Variants in ITGA7 observed in about 807,000 individuals in gnomAD.
The protein encoded by ITGA7 is integrin alpha-7.
A neutral mutation model predicts 131.6 loss-of-function variants in ITGA7; 84 were observed. That is an observed-to-expected ratio of 0.64 (90% CI 0.54 to 0.77). The LOEUF is 0.77. Ranked by LOEUF, ITGA7 falls within the 30% of genes least tolerant of loss-of-function variation. ITGA7 has a pLI of 0.00. For missense variants in ITGA7, 1,399 were observed against 1,482.9 expected (o/e 0.94, Z 0.93); for synonymous variants, 548 against 600.7 (o/e 0.91, Z 1.28).
Position 55,696,400 on chromosome 12 carries a change from T to C in ITGA7, c.1770A>G (p.Val590=). 6.2e-7 allele frequency: 1 copy of C among 1,601,472 alleles called. No individual in the cohort carries two copies. Among genetic ancestry groups the C allele is most frequent in the Non-Finnish European group, 8.5e-7 (1 of 1,172,940 alleles). Residue 590 remains valine (V), a synonymous_variant, in exon 13 of 25, where the codon GTA becomes GTG. Coordinates refer to ENST00000257879, the MANE Select transcript of ITGA7 (RefSeq NM_002206.3). ...ENVKDKLRAI[V]VTLSYSLQTP... ...TCTGGAGACTGTAGGACAAGGTCAC[T>C]ACAATGGCCCGAAGCTTGTCTTTGA...
At chr12:55,704,154 G>A (rs969061419) in intron 1 of ITGA7, among the ~76,000 whole-genome samples, 3 of 152,196 alleles carry the variant, frequency 2.0e-5, no homozygotes, top group Non-Finnish European at 4.4e-5. Context: ...GAGAGACTCA[G>A]AAGTGGCAGT....
In ITGA7 at chr12:55,694,295, C is replaced by T. The variant is rs923021284; in HGVS notation, c.2393G>A (p.Arg798Gln). ...SEQELHPVSARARVFIELPLS... is the reference protein window; with the variant it reads ...SEQELHPVSAQARVFIELPLS... ...TGGCAGCTCAATGAAGACACGGGCT[C>T]GTGCAGAGACTGGATGCAGCTCCTG... Residue 798 changes from arginine to glutamine, a missense_variant, in exon 18 of 25, where the codon CGA becomes CAA. Physicochemically the swap from Arg to Gln is conservative, Grantham distance 43. Coordinates refer to ENST00000257879, the MANE Select transcript of ITGA7 (RefSeq NM_002206.3). The surrounding 1 kb of genome is among the most constrained non-coding windows in gnomAD (Gnocchi z 5.3). The T allele has an allele frequency of 5.0e-6, 8 of 1,613,882 alleles. No homozygotes were observed. The Admixed American group carries it at 6.7e-5, about 13-fold the overall frequency.
rs1271520881 is a variant in ITGA7, at chr12:55,693,213, C to G, written c.2640G>C (p.Gln880His). ...ANGKWLLYPM[Q>H]VELEGGQGPG... ...GCCCCTGCCCGCCCTCCAGCTCAAC[C>G]TGCATTGGGTACAGCAACCACTTCC... The change falls in exon 20 of 25, where the codon CAG (glutamine) becomes CAC (histidine). Residue 880 changes from glutamine (Q) to histidine (H), a missense_variant. Physicochemically the swap from Gln to His is conservative, Grantham distance 24. Coordinates refer to ENST00000257879, the MANE Select transcript of ITGA7 (RefSeq NM_002206.3). 1.2e-6 allele frequency: 2 copies of G among 1,614,140 alleles called. No homozygotes were observed. The highest frequency in any genetic ancestry group is 1.7e-6 in the Non-Finnish European group (2 of 1,180,026).
chr12:55,696,854 G>A (rs747912646), intron 12 of ITGA7, 45 bp downstream of exon 12: 2 of 1,605,780 alleles, frequency 1.2e-6, no homozygotes, highest in Non-Finnish European at 1.7e-6. Context: ...GAAAAGAGAT[G>A]GAGCCATGAA....
rs749296834 is a variant in ITGA7 at position 55,688,078 on chromosome 12, A to G, written c.3076T>C (p.Leu1026=). The G allele has an allele frequency of 6.2e-7, 1 of 1,614,038 alleles. No homozygotes were observed. Among genetic ancestry groups the G allele is most frequent in the Non-Finnish European group, 8.5e-7 (1 of 1,180,022 alleles). Residue 1026 remains leucine (L), a synonymous_variant, in exon 24 of 25, where the codon TTG becomes CTG. Coordinates refer to ENST00000257879, the MANE Select transcript of ITGA7 (RefSeq NM_002206.3). The part of the protein sequence containing the change: ...ASTVIPVMVY[L]DPMAVVAEGV... The stretch of plus-strand genomic sequence containing the variant: ...TCTGCCACCACAGCCATGGGGTCCA[A>G]GTATACCATCACTGGGATCTGGGGA...
chr12:55,708,631 G>T (rs1166727981), upstream of ITGA7, among the ~76,000 whole-genome samples: 4 of 152,218 alleles, frequency 2.6e-5, no homozygotes, highest in African/African-American at 9.7e-5. Flanking sequence ...AAAAGAAAAC[G>T]ACTGGGGATG....
upstream of ITGA7, among the ~76,000 whole-genome samples, chr12:55,710,673 G>T (rs1445240982): frequency 6.6e-6 from 1 of 152,002 alleles, no homozygotes; most frequent in African/African-American, 2.4e-5. Flanking sequence ...CTAGGCGGGA[G>T]TGTCACTTGA....
chr12:55,695,850 T>C (rs934091624), intron 13 of ITGA7, among the ~76,000 whole-genome samples: 4 of 151,888 alleles, frequency 2.6e-5, no homozygotes, highest in African/African-American at 9.7e-5. Flanking sequence ...CATGCCATGG[T>C]AGAGACTAGC....
At chr12:55,689,937 G>T (rs1871067156) in intron 21 of ITGA7, among the ~76,000 whole-genome samples, 1 of 152,126 alleles carries the variant, frequency 6.6e-6, no homozygotes, top group Admixed American at 6.5e-5. Context: ...AGCTGAAACT[G>T]GATCCCTTCC....
At position 55,684,893 on chromosome 12, in the gene ITGA7, G is replaced by A; in HGVS notation, c.*165C>T. On this transcript the variant is annotated 3_prime_UTR_variant, in exon 25 of 25. Transcript: ENST00000257879. ...CTCACAGCACTCTAAGGGGAAGTTG[G>A]GTGGGAGGAGTTCTTGTGGGTGGGA... is the stretch of plus-strand genomic sequence containing the variant. The A allele has an allele frequency of 3.2e-6, 2 of 616,888 alleles. No homozygotes were observed. Among genetic ancestry groups the A allele is most frequent in the East Asian group, 2.8e-5 (1 of 36,314 alleles). 38.2% of individuals were successfully genotyped at this position (616,888 alleles called of 1,614,324 possible).
At chr12:55,691,300 G>C (rs921060112) in intron 21 of ITGA7, among the ~76,000 whole-genome samples, 2 of 152,108 alleles carry the variant, frequency 1.3e-5, no homozygotes, top group African/African-American at 4.8e-5. Context: ...TTGTTACCTA[G>C]GGCTGGAGTG....
At chr12:55,686,335 C>T in intron 24 of ITGA7, 1 of 1,286,370 alleles carries the variant, frequency 7.8e-7, no homozygotes, top group Non-Finnish European at 1.0e-6. Context: ...GAGGGAGAAG[C>T]AGGGCAGAGG....
rs1387658204 is a variant in ITGA7 at position 55,694,260 on chromosome 12, C to G, written c.2428G>C (p.Ala810Pro). The stretch of plus-strand genomic sequence containing the variant: ...GCCCCCTTGGGCCAGGCTCACCCTG[C>G]AATGGACAGTGGCAGCTCAATGAAG... ...RVFIELPLSIAGMAIPQQLFF... is the reference protein window; with the variant it reads ...RVFIELPLSIPGMAIPQQLFF... The change falls in exon 18 of 25, where the codon GCA (alanine) becomes CCA (proline). Residue 810 changes from alanine to proline, a missense_variant. By Grantham distance (27) the Ala-to-Pro change is conservative. Transcript: ENST00000257879. The surrounding 1 kb of genome is among the most constrained non-coding windows in gnomAD (Gnocchi z 5.3). The G allele has an allele frequency of 3.1e-6, 5 of 1,614,104 alleles. No homozygotes were observed. Among genetic ancestry groups the G allele is most frequent in the Non-Finnish European group, 3.4e-6 (4 of 1,180,036 alleles).
chr12:55,688,149 G>A (rs1870639518), intron 23 of ITGA7, 53 bp from the exon 24 acceptor site: 1 of 1,614,078 alleles, frequency 6.2e-7, no homozygotes, highest in South Asian at 1.1e-5. Flanking sequence ...AGAACTGGAG[G>A]GAGCAGGAAA....
chr12:55,693,000 T>C, intron 20 of ITGA7, 25 bp from the exon 21 acceptor site: 1 of 1,613,944 alleles, frequency 6.2e-7, no homozygotes, highest in Non-Finnish European at 8.5e-7. Context: ...GGGGTCTTAG[T>C]GAGTGTCCCT....
chr12:55,691,700 G>A (rs1871452064), intron 21 of ITGA7, among the ~76,000 whole-genome samples: 1 of 152,208 alleles, frequency 6.6e-6, no homozygotes, highest in South Asian at 2.1e-4. Context: ...TCGGTCACGT[G>A]GAGAAGGGAG....
At chr12:55,698,048 C>T in intron 7 of ITGA7, 22 bp from the exon 8 acceptor site, 13 of 1,609,714 alleles carry the variant, frequency 8.1e-6, no homozygotes, top group Non-Finnish European at 1.1e-5. Context: ...AGGGAAAAGG[C>T]AGTCACGCTG....
At chr12:55,716,044 CA>C, upstream of ITGA7, 1 of 1,548,976 alleles carries the variant, frequency 6.5e-7, no homozygotes, top group Non-Finnish European at 8.7e-7. Flanking sequence ...ACACAGCGGT[CA>C]CGTGACATGG....
upstream of ITGA7, among the ~76,000 whole-genome samples, chr12:55,714,776 G>GTATACATACATA (rs1405329474): frequency 6.7e-6 from 1 of 149,040 alleles, no homozygotes; most frequent in Non-Finnish European, 1.5e-5. Flanking sequence ...ACATATATAC[G>GTATACATACATA]TATACATACA....
Sources: gnomAD v4.1 joint callset for allele counts (sites outside exome capture counted in the v4.1 genomes callset) on GRCh38, gnomAD v4.1.1 for gene constraint, Gnocchi (gnomAD v3.1) non-coding constraint, MANE v1.5 for transcripts, NCBI Gene and HGNC (gene_info 2026-07-23, HGNC 2026-07-21) for gene names.